The following PPP2R2C variants were observed in gnomAD, a reference collection of about 807,000 sequenced individuals.
PPP2R2C encodes protein phosphatase 2, regulatory subunit B, gamma.
A neutral mutation model predicts 45.3 loss-of-function variants in PPP2R2C; 10 were observed. That is an observed-to-expected ratio of 0.22 (90% CI 0.14 to 0.37). The LOEUF (loss-of-function observed/expected upper bound fraction) is 0.37, where lower values mean the gene tolerates loss of function less well. PPP2R2C is among the 10% of genes least tolerant of loss of function. The probability of loss-of-function intolerance (pLI) is 1.00; values close to 1 mark genes in which losing one functional copy is unlikely to be tolerated. For missense variants in PPP2R2C, 308 were observed against 619.7 expected (o/e 0.50, Z 5.34); for synonymous variants, 257 against 245.4 (o/e 1.05, Z -0.44).
chr4:6,512,524 G>GTGA (rs1723673744), intron 2 of PPP2R2C, among the ~76,000 whole-genome samples: 1 of 105,120 alleles, frequency 9.5e-6, no homozygotes. Flanking sequence ...GGTGGTGGTG[G>GTGA]TGGTGATGGT....
intron 3 of PPP2R2C, among the ~76,000 whole-genome samples, chr4:6,377,581 C>T (rs963647780): frequency 2.0e-5 from 3 of 152,154 alleles, no homozygotes; most frequent in Non-Finnish European, 4.4e-5. Flanking sequence ...ATTGCTTGAA[C>T]CCGGGAGGCG....
chr4:6,335,658 G>A (rs1420193926), intron 6 of PPP2R2C, among the ~76,000 whole-genome samples: 9 of 151,964 alleles, frequency 5.9e-5, no homozygotes, highest in African/African-American at 2.2e-4. Context: ...GAGGAAGGAA[G>A]TTCCAGCACC....
At chr4:6,400,502 C>T (rs1717344700) in intron 1 of PPP2R2C, among the ~76,000 whole-genome samples, 1 of 152,118 alleles carries the variant, frequency 6.6e-6, no homozygotes, top group African/African-American at 2.4e-5. Flanking sequence ...TCTTTGGGAG[C>T]CACAATAATT....
chr4:6,373,062 T>A (rs1006031222), intron 4 of PPP2R2C, among the ~76,000 whole-genome samples: 1 of 152,236 alleles, frequency 6.6e-6, no homozygotes, highest in Non-Finnish European at 1.5e-5. Context: ...AACAGCTGTC[T>A]ACATGTGGAC....
intron 2 of PPP2R2C, among the ~76,000 whole-genome samples, chr4:6,521,838 A>G (rs1204923582): frequency 6.6e-6 from 1 of 152,102 alleles, no homozygotes; most frequent in Admixed American, 6.6e-5. Flanking sequence ...CATATTACAA[A>G]TGAGGAAACT....
intron 1 of PPP2R2C, among the ~76,000 whole-genome samples, chr4:6,408,714 G>A (rs1717962983): frequency 6.6e-6 from 1 of 152,120 alleles, no homozygotes; most frequent in Non-Finnish European, 1.5e-5. Context: ...AAGTCCCTGA[G>A]CACTTGGGCC....
chr4:6,559,545 G>A (rs1471564645), intron 1 of PPP2R2C, among the ~76,000 whole-genome samples: 1 of 152,092 alleles, frequency 6.6e-6, no homozygotes, highest in Non-Finnish European at 1.5e-5. Flanking sequence ...CTTGCCCCAT[G>A]CATAACTTCC....
In PPP2R2C at chr4:6,364,994, G is replaced by A. The variant is rs1327255974; in HGVS notation, c.625+7529C>T. 1.3e-5 allele frequency among the ~76,000 whole-genome samples: 2 copies of A among 152,172 alleles called. No homozygotes were observed. Among genetic ancestry groups the A allele is most frequent in the African/African-American group, 2.4e-5 (1 of 41,432 alleles). Reference sequence around the variant, plus strand: ...CCATTCACTCAGAAAGTGCCTTTGTGCCAATTATGAAAAGACAGCTCTTCC... The same window carrying A: ...CCATTCACTCAGAAAGTGCCTTTGTACCAATTATGAAAAGACAGCTCTTCC... On this transcript the variant is annotated intron_variant, in intron 5 of 8. Coordinates refer to ENST00000382599, the MANE Select transcript of PPP2R2C (RefSeq NM_020416.4). This position sits in a 1 kb window ranked among gnomAD's most constrained non-coding sequence, Gnocchi z 5.3.
intron 2 of PPP2R2C, among the ~76,000 whole-genome samples, chr4:6,490,375 C>T (rs957422995): frequency 2.0e-5 from 3 of 152,240 alleles, no homozygotes; most frequent in Admixed American, 6.5e-5. Flanking sequence ...CTTCATGGAG[C>T]CTTCCTTGAT....
At chr4:6,349,865 T>C (rs1368303766) in intron 5 of PPP2R2C, 5 of 978,628 alleles carry the variant, frequency 5.1e-6, no homozygotes, top group East Asian at 1.1e-4. Flanking sequence ...TATTCCAGCC[T>C]GGTGACAGGG....
rs369296920 is a variant in PPP2R2C at position 6,354,510 on chromosome 4, C to T, written c.626-6500G>A. Among the ~76,000 whole-genome samples, 697 of 152,260 alleles carry T rather than the reference C, an allele frequency of 4.6e-3. 1 individual carries two copies. Among genetic ancestry groups the T allele is most frequent in the South Asian group, 7.3e-3 (35 of 4,822 alleles). On this transcript the variant is annotated intron_variant, in intron 5 of 8. Transcript: ENST00000382599. The stretch of plus-strand genomic sequence containing the variant: ...TCCGTGCCCCCACACCCCTCACACA[C>T]GACCTGCCCAGAGCTGGTGCCTGGG...
intron 1 of PPP2R2C, among the ~76,000 whole-genome samples, chr4:6,399,595 C>G (rs548152624): frequency 6.6e-6 from 1 of 152,330 alleles, no homozygotes; most frequent in East Asian, 1.9e-4. Flanking sequence ...CCTCACTCTC[C>G]CAGGTGTACA....
intron 6 of PPP2R2C, among the ~76,000 whole-genome samples, chr4:6,339,642 A>G (rs1391444268): frequency 6.6e-6 from 1 of 152,190 alleles, no homozygotes; most frequent in African/African-American, 2.4e-5. Context: ...CCATGCATTC[A>G]GGGACAAGTG....
chr4:6,535,175 C>T, intron 2 of PPP2R2C: 1 of 1,378,308 alleles, frequency 7.3e-7, no homozygotes, highest in Non-Finnish European at 9.9e-7. Context: ...CGGCTTCCCG[C>T]TGTCAGGCTG....
intron 1 of PPP2R2C, among the ~76,000 whole-genome samples, chr4:6,396,083 C>T (rs909891257): frequency 2.6e-5 from 4 of 152,220 alleles, no homozygotes; most frequent in Non-Finnish European, 5.9e-5. Context: ...CGAACCCTCG[C>T]GGCAGCCCTG....
chr4:6,462,447 C>A (rs1721376177), intron 1 of PPP2R2C, among the ~76,000 whole-genome samples: 1 of 151,980 alleles, frequency 6.6e-6, no homozygotes, highest in Non-Finnish European at 1.5e-5. Context: ...CCATTGTACT[C>A]CAGCCTGGGC....
intron 1 of PPP2R2C, among the ~76,000 whole-genome samples, chr4:6,547,123 T>C (rs970535126): frequency 6.6e-6 from 1 of 152,252 alleles, no homozygotes; most frequent in African/African-American, 2.4e-5. Context: ...GTCACTCAGA[T>C]TCGGCGATTA....
chr4:6,380,343 C>G (rs774298451), intron 2 of PPP2R2C: 1 of 152,426 alleles, frequency 6.6e-6, no homozygotes, highest in African/African-American at 2.4e-5. Flanking sequence ...GTTCCAGAAA[C>G]GTGGTCCTGG....
intron 1 of PPP2R2C, among the ~76,000 whole-genome samples, chr4:6,424,465 A>G (rs1719166979): frequency 6.6e-6 from 1 of 152,196 alleles, no homozygotes; most frequent in South Asian, 2.1e-4. Context: ...CTGCTGAGCC[A>G]TGTCGGGGCA....
Sources: allele counts gnomAD v4.1 joint callset (sites outside exome capture counted in the v4.1 genomes callset), GRCh38; gene constraint gnomAD v4.1.1; non-coding constraint Gnocchi (gnomAD v3.1); transcripts MANE v1.5; gene names NCBI Gene and HGNC (gene_info 2026-07-23, HGNC 2026-07-21).